Variants in BANK1 observed in about 807,000 individuals in gnomAD.
BANK1 encodes the protein B-cell scaffold protein with ankyrin repeats.
In BANK1, 95 loss-of-function variants were observed where a neutral mutation model predicts 94.5. The observed-to-expected ratio is 1.00, with a 90% CI of 0.85 to 1.19. The LOEUF (loss-of-function observed/expected upper bound fraction) is 1.19, where lower values mean the gene tolerates loss of function less well. Among genes scored for constraint, BANK1 ranks in the 50% most tolerant of loss-of-function variants. BANK1 has a pLI of 0.00. For synonymous variants in BANK1, 334 were observed against 308.4 expected (o/e 1.08, Z -0.87); for missense variants, 987 against 932.2 (o/e 1.06, Z -0.77).
At chr4:101,963,735 A>C (rs1033708753) in intron 7 of BANK1, among the ~76,000 whole-genome samples, 1 of 152,120 alleles carries the variant, frequency 6.6e-6, no homozygotes, top group Non-Finnish European at 1.5e-5. Flanking sequence ...TTTCACTTCG[A>C]AAGAAACACA....
At chr4:101,967,498 T>C (rs1724805252) in intron 7 of BANK1, among the ~76,000 whole-genome samples, 1 of 151,422 alleles carries the variant, frequency 6.6e-6, no homozygotes, top group Non-Finnish European at 1.5e-5. Flanking sequence ...AGAAAGGGGG[T>C]GTGGAATAGG....
chr4:101,935,843 G>A (rs1723511286), intron 7 of BANK1, among the ~76,000 whole-genome samples: 1 of 151,464 alleles, frequency 6.6e-6, no homozygotes, highest in Non-Finnish European at 1.5e-5. Flanking sequence ...GATGGTCCTG[G>A]GAAAGCTGGA....
intron 1 of BANK1, among the ~76,000 whole-genome samples, chr4:101,810,930 C>T (rs574342119): frequency 2.0e-5 from 3 of 152,180 alleles, no homozygotes; most frequent in Non-Finnish European, 4.4e-5. Context: ...TACTGCTGTA[C>T]GTATCAATGA....
At chr4:101,978,902 T>C (rs1178008376) in intron 7 of BANK1, among the ~76,000 whole-genome samples, 1 of 152,122 alleles carries the variant, frequency 6.6e-6, no homozygotes, top group Non-Finnish European at 1.5e-5. Flanking sequence ...ATCAATGTAA[T>C]GATACATCCT....
chr4:101,963,340 T>C (rs1724636633), intron 7 of BANK1, among the ~76,000 whole-genome samples: 1 of 152,160 alleles, frequency 6.6e-6, no homozygotes, highest in Non-Finnish European at 1.5e-5. Context: ...TTACATATTT[T>C]GGACATCATT....
At chr4:101,937,483 G>C (rs1201714115) in intron 7 of BANK1, among the ~76,000 whole-genome samples, 2 of 151,886 alleles carry the variant, frequency 1.3e-5, no homozygotes, top group African/African-American at 4.8e-5. Flanking sequence ...ACAAACATAT[G>C]AAAAAATGTT....
chr4:101,921,975 C>G (rs1046158455), intron 7 of BANK1, among the ~76,000 whole-genome samples: 6 of 151,080 alleles, frequency 4.0e-5, no homozygotes, highest in Non-Finnish European at 7.4e-5. Context: ...TAATCTATCC[C>G]TACACTGCTC....
chr4:102,001,529 G>T (rs1360801045), intron 7 of BANK1, among the ~76,000 whole-genome samples: 1 of 152,186 alleles, frequency 6.6e-6, no homozygotes, highest in Non-Finnish European at 1.5e-5. Flanking sequence ...GAACCCGGGA[G>T]GCGGAGGTTG....
intron 5 of BANK1, among the ~76,000 whole-genome samples, chr4:101,875,162 T>A (rs1022980320): frequency 1.3e-5 from 2 of 152,152 alleles, no homozygotes; most frequent in Middle Eastern, 3.4e-3. Context: ...AAATCTTGAG[T>A]CAACAATGCC....
At chr4:101,792,255 T>TCCCCCCCCCCCCCC (rs771698917) in intron 1 of BANK1, among the ~76,000 whole-genome samples, 6 of 128,658 alleles carry the variant, frequency 4.7e-5, no homozygotes, top group Admixed American at 2.4e-4. Context: ...TGCATTCCGC[T>TCCCCCCCCCCCCCC]CCCCCCCCGC....
At chr4:101,862,441 C>T (rs1302512088) in intron 3 of BANK1, 85 bp from the exon 4 acceptor site, 2 of 1,137,056 alleles carry the variant, frequency 1.8e-6, no homozygotes, top group Non-Finnish European at 1.2e-6. Flanking sequence ...TAGTGTATTA[C>T]CTTAATTATA....
chr4:102,069,381 C>G (rs192694948), intron 13 of BANK1, among the ~76,000 whole-genome samples: 1 of 152,194 alleles, frequency 6.6e-6, no homozygotes, highest in Non-Finnish European at 1.5e-5. Flanking sequence ...AAAAGATGCT[C>G]AATATCATTA....
At chr4:101,836,315 A>G (rs1354969539) in intron 2 of BANK1, among the ~76,000 whole-genome samples, 4 of 152,082 alleles carry the variant, frequency 2.6e-5, no homozygotes. Flanking sequence ...CCCAGTCTCT[A>G]CTGAAAATAC....
At chr4:101,827,236 G>T (rs568028014) in intron 1 of BANK1, among the ~76,000 whole-genome samples, 1 of 151,860 alleles carries the variant, frequency 6.6e-6, no homozygotes, top group African/African-American at 2.4e-5. Flanking sequence ...AGGCATGGAG[G>T]TACTATTTTA....
chr4:102,010,347 G>C (rs1297322955), intron 7 of BANK1, among the ~76,000 whole-genome samples: 1 of 151,348 alleles, frequency 6.6e-6, no homozygotes, highest in East Asian at 1.9e-4. Flanking sequence ...AAGAGATTGA[G>C]CTTTGCCTGA....
intron 7 of BANK1, among the ~76,000 whole-genome samples, chr4:101,980,771 A>G (rs1725301070): frequency 6.6e-6 from 1 of 151,908 alleles, no homozygotes; most frequent in South Asian, 2.1e-4. Flanking sequence ...ATGGTTTTAC[A>G]TTCTTCTTTC....
chr4:101,915,511 G>T (rs916133494), intron 6 of BANK1, among the ~76,000 whole-genome samples: 5 of 152,042 alleles, frequency 3.3e-5, no homozygotes, highest in South Asian at 2.1e-4. Flanking sequence ...GAAAGACAGA[G>T]TATCTTGTAT....
At chr4:101,889,434 T>G (rs1294759699) in intron 5 of BANK1, among the ~76,000 whole-genome samples, 1 of 151,582 alleles carries the variant, frequency 6.6e-6, no homozygotes, top group Non-Finnish European at 1.5e-5. Flanking sequence ...CCGTCTCTAC[T>G]AAAAATACAA....
chr4:101,845,697 A>C (rs536820004), intron 2 of BANK1, among the ~76,000 whole-genome samples: 1 of 152,370 alleles, frequency 6.6e-6, no homozygotes, highest in South Asian at 2.1e-4. Flanking sequence ...GTGAGAAACA[A>C]GAACTGATAA....
Sources: gnomAD v4.1 joint callset for allele counts (sites outside exome capture counted in the v4.1 genomes callset) on GRCh38, gnomAD v4.1.1 for gene constraint, MANE v1.5 for transcripts, NCBI Gene and HGNC (gene_info 2026-07-23, HGNC 2026-07-21) for gene names.